The following TMEFF1 variants were observed in gnomAD, a reference collection of about 807,000 sequenced individuals.
The protein encoded by TMEFF1 is tomoregulin-1.
Under a neutral mutation model 47.5 loss-of-function variants are expected in TMEFF1, and 20 were observed. That is an observed-to-expected ratio of 0.42 (90% CI 0.30 to 0.61). The LOEUF (loss-of-function observed/expected upper bound fraction) is 0.61. Among genes scored for constraint, TMEFF1 ranks in the 20% least tolerant of loss-of-function variants. TMEFF1 has a pLI of 0.19. For synonymous variants in TMEFF1, 162 were observed against 166.3 expected, an observed-to-expected ratio of 0.97 and a Z score of 0.20; for missense variants, 411 against 471.1, an observed-to-expected ratio of 0.87 and a Z score of 1.18.
intron 2 of TMEFF1, among the ~76,000 whole-genome samples, chr9:100,500,994 C>T (rs890468268): frequency 3.9e-5 from 6 of 152,158 alleles, no homozygotes; most frequent in Non-Finnish European, 7.4e-5. Flanking sequence ...CTGCCAGAAA[C>T]GTGCTCTGAG....
chr9:100,551,904 A>T (rs772809793), intron 7 of TMEFF1, among the ~76,000 whole-genome samples: 6 of 152,226 alleles, frequency 3.9e-5, no homozygotes, highest in Non-Finnish European at 7.3e-5. Flanking sequence ...GGTGGGGAAC[A>T]GTGGGAATCT....
intron 8 of TMEFF1, among the ~76,000 whole-genome samples, chr9:100,567,787 C>T (rs1839152267): frequency 6.6e-6 from 1 of 152,114 alleles, no homozygotes; most frequent in African/African-American, 2.4e-5. Flanking sequence ...AGTCTGTTTT[C>T]ACTGCTAATA....
At chr9:100,484,653 A>G (rs1021252904) in intron 1 of TMEFF1, among the ~76,000 whole-genome samples, 1 of 149,448 alleles carries the variant, frequency 6.7e-6, no homozygotes, top group South Asian at 2.1e-4. Context: ...TCACTCCCCA[A>G]TCCCCACCTC....
chr9:100,538,082 ACT>A (rs1197092057), intron 5 of TMEFF1, among the ~76,000 whole-genome samples: 4 of 151,598 alleles, frequency 2.6e-5, no homozygotes, highest in Non-Finnish European at 2.9e-5. Context: ...TTTGAGACAG[ACT>A]CTCATGTTGC....
intron 5 of TMEFF1, among the ~76,000 whole-genome samples, chr9:100,524,071 C>T: frequency 6.6e-6 from 1 of 151,946 alleles, no homozygotes. Flanking sequence ...TAGAGACAGT[C>T]ACTGTGATCT....
At chr9:100,555,579 A>C (rs1838901438) in intron 7 of TMEFF1, among the ~76,000 whole-genome samples, 1 of 152,188 alleles carries the variant, frequency 6.6e-6, no homozygotes, top group East Asian at 1.9e-4. Flanking sequence ...CACTGATCAC[A>C]TCTGTAATTA....
At chr9:100,565,208 A>T (rs941712658) in intron 8 of TMEFF1, among the ~76,000 whole-genome samples, 3 of 152,120 alleles carry the variant, frequency 2.0e-5, no homozygotes, top group African/African-American at 4.8e-5. Flanking sequence ...TATCCATTTT[A>T]CTTTCTACCT....
chr9:100,533,652 C>CT (rs1011984178), intron 5 of TMEFF1, among the ~76,000 whole-genome samples: 12 of 151,668 alleles, frequency 7.9e-5, no homozygotes, highest in South Asian at 4.2e-4. Context: ...TTTTTATTGG[C>CT]TTTTTTTTCT....
At chr9:100,564,111 G>T (rs1365034883) in intron 8 of TMEFF1, among the ~76,000 whole-genome samples, 1 of 152,184 alleles carries the variant, frequency 6.6e-6, no homozygotes, top group African/African-American at 2.4e-5. Context: ...GTCTTGATCT[G>T]TCACCCAGAC....
chr9:100,552,510 G>C (rs1838842834), intron 7 of TMEFF1, among the ~76,000 whole-genome samples: 1 of 152,104 alleles, frequency 6.6e-6, no homozygotes, highest in South Asian at 2.1e-4. Flanking sequence ...AGTTTGAGGT[G>C]CTTGTGGAAC....
At chr9:100,569,433 A>G (rs948049238) in intron 8 of TMEFF1, among the ~76,000 whole-genome samples, 2 of 152,156 alleles carry the variant, frequency 1.3e-5, no homozygotes, top group African/African-American at 4.8e-5. Context: ...TATTCTAGAT[A>G]TAAGTCCCTT....
intron 3 of TMEFF1, 146 bp from the exon 4 acceptor site, chr9:100,513,160 TA>T: frequency 9.2e-7 from 1 of 1,088,060 alleles, no homozygotes; most frequent in Non-Finnish European, 1.3e-6. Context: ...AATAAGTATG[TA>T]AGAATAAATA....
In TMEFF1 at chr9:100,493,956, G is replaced by A. The variant is rs375218970; in HGVS notation, c.197-4809G>A. ...CTAGCACTTTGGGAGGCTGAGGTGGGCAGATGGCTTGAGCCCAAGAATTCA... is the reference window on the plus strand; with the variant it reads ...CTAGCACTTTGGGAGGCTGAGGTGGACAGATGGCTTGAGCCCAAGAATTCA... On this transcript the variant is annotated intron_variant, in intron 1 of 9. Transcript: ENST00000374879. Among the ~76,000 whole-genome samples the A allele has an allele frequency of 3.3e-5, 5 of 152,250 alleles. No individual in the cohort carries two copies. In the East Asian group the frequency reaches 9.7e-4, roughly 29 times the overall value.
At chr9:100,529,353 T>A (rs1323251647) in intron 5 of TMEFF1, among the ~76,000 whole-genome samples, 3 of 151,072 alleles carry the variant, frequency 2.0e-5, no homozygotes, top group Non-Finnish European at 4.4e-5. Flanking sequence ...ACCCATCTCA[T>A]GTGCAGAGAC....
rs551509940 is a variant in TMEFF1 at position 100,489,479 on chromosome 9, C to A, written c.197-9286C>A. On this transcript the variant is annotated intron_variant, in intron 1 of 9. Transcript: ENST00000374879. ...GTGTTGGGATTACAGGCGTGAGGCACTGCACCCTGCCTACATAATTTTCAA... is the reference window on the plus strand; with the variant it reads ...GTGTTGGGATTACAGGCGTGAGGCAATGCACCCTGCCTACATAATTTTCAA... Among the ~76,000 whole-genome samples the A allele has an allele frequency of 4.6e-5, 7 of 152,320 alleles. No individual in the cohort carries two copies. The East Asian group carries it at 9.7e-4, about 21-fold the overall frequency.
chr9:100,532,142 A>G (rs1838395336), intron 5 of TMEFF1, among the ~76,000 whole-genome samples: 1 of 152,106 alleles, frequency 6.6e-6, no homozygotes, highest in Non-Finnish European at 1.5e-5. Context: ...AAAACCCTAG[A>G]AGAAAACCTA....
chr9:100,528,222 C>T (rs917629509), intron 5 of TMEFF1, among the ~76,000 whole-genome samples: 21 of 151,188 alleles, frequency 1.4e-4, no homozygotes, highest in Non-Finnish European at 2.1e-4. Flanking sequence ...TCACCAGCAA[C>T]GGAACAAAGC....
intron 8 of TMEFF1, among the ~76,000 whole-genome samples, chr9:100,566,641 T>C (rs546756578): frequency 1.3e-5 from 2 of 152,340 alleles, no homozygotes; most frequent in South Asian, 4.1e-4. Flanking sequence ...GTAGCTTCCG[T>C]GATTGTATTC....
intron 5 of TMEFF1, among the ~76,000 whole-genome samples, chr9:100,522,593 C>T (rs1367917137): frequency 5.9e-5 from 9 of 151,654 alleles, no homozygotes; most frequent in African/African-American, 1.2e-4. Context: ...CCTGCCACCA[C>T]GCCTGGCTAA....
Sources: gnomAD v4.1 joint callset for allele counts (sites outside exome capture counted in the v4.1 genomes callset) on GRCh38, gnomAD v4.1.1 for gene constraint, MANE v1.5 for transcripts, NCBI Gene and HGNC (gene_info 2026-07-23, HGNC 2026-07-21) for gene names.